The following DPF3 variants were observed in gnomAD, a reference collection of about 807,000 sequenced individuals.
DPF3 encodes double PHD fingers 3.
A neutral mutation model predicts 56.8 loss-of-function variants in DPF3; 18 were observed. The ratio of observed to expected loss-of-function variants is 0.32; its 90% CI spans 0.22 to 0.47. DPF3 has a LOEUF of 0.47. Ranked by LOEUF, DPF3 falls within the 20% of genes least tolerant of loss-of-function variation. The probability of loss-of-function intolerance (pLI) is 1.00; values close to 1 mark genes in which losing one functional copy is unlikely to be tolerated. For missense variants in DPF3, 403 were observed against 488.8 expected, an observed-to-expected ratio of 0.82 and a Z score of 1.65; for synonymous variants, 188 against 180.2, an observed-to-expected ratio of 1.04 and a Z score of -0.35.
chr14:72,884,813 T>C (rs1266678451), intron 1 of DPF3, among the ~76,000 whole-genome samples: 2 of 150,548 alleles, frequency 1.3e-5, no homozygotes, highest in South Asian at 2.1e-4. Flanking sequence ...AAGGGGGATA[T>C]AGGCTGGGCA....
intron 1 of DPF3, among the ~76,000 whole-genome samples, chr14:72,815,615 T>C (rs1361305626): frequency 3.3e-5 from 5 of 152,250 alleles, no homozygotes; most frequent in Non-Finnish European, 7.3e-5. Flanking sequence ...CAAGTTGCCA[T>C]GCAGCCACAC....
At chr14:72,667,785 T>C (rs1886501657) in intron 8 of DPF3, among the ~76,000 whole-genome samples, 1 of 152,246 alleles carries the variant, frequency 6.6e-6, no homozygotes, top group Non-Finnish European at 1.5e-5. Context: ...TTAAAAGCTA[T>C]ATTCATTACA....
intron 1 of DPF3, among the ~76,000 whole-genome samples, chr14:72,875,154 C>G (rs1320466686): frequency 6.6e-6 from 1 of 152,172 alleles, no homozygotes; most frequent in Non-Finnish European, 1.5e-5. Context: ...CAATTACCTC[C>G]CCATGGGTCT....
chr14:72,881,220 A>G (rs986333761), intron 1 of DPF3, among the ~76,000 whole-genome samples: 1 of 152,170 alleles, frequency 6.6e-6, no homozygotes, highest in Non-Finnish European at 1.5e-5. Context: ...GTTTTTAACC[A>G]ACTCTCCAAG....
intron 8 of DPF3, among the ~76,000 whole-genome samples, chr14:72,637,634 G>A (rs897941675): frequency 6.6e-6 from 1 of 152,092 alleles, no homozygotes; most frequent in Admixed American, 6.5e-5. Context: ...TCTAGCATTA[G>A]TTTTTCAATA....
intron 6 of DPF3, among the ~76,000 whole-genome samples, chr14:72,698,862 G>C (rs902963609): frequency 1.1e-4 from 5 of 45,772 alleles, no homozygotes; most frequent in African/African-American, 5.0e-4. Context: ...AAGCATGGCA[G>C]GTCCTGTGTA....
At chr14:72,668,680 TA>T (rs60914269) in intron 8 of DPF3, among the ~76,000 whole-genome samples, 14,505 of 146,830 alleles carry the variant, frequency 0.099, 1,805 homozygotes, top group African/African-American at 0.28. Flanking sequence ...ATATGTGGAT[TA>T]AAAAAAAAAA....
At chr14:72,708,076 C>A (rs1359855856) in intron 6 of DPF3, among the ~76,000 whole-genome samples, 1 of 152,076 alleles carries the variant, frequency 6.6e-6, no homozygotes, top group African/African-American at 2.4e-5. Flanking sequence ...TAGTGGAGAG[C>A]AAGGTTGTGA....
At position 72,726,565 on chromosome 14, in the gene DPF3, C is replaced by A. The variant is rs185550635; in HGVS notation, c.430-2837G>T. On this transcript the variant is annotated intron_variant, in intron 4 of 10. Transcript: ENST00000556509. ...CAGTGTGTCTGCATTTCCTGCGATG[C>A]GGCCCTGACACCAGAAGCCTCTCGA... 2.0e-3 allele frequency among the ~76,000 whole-genome samples: 304 copies of A among 152,290 alleles called. 1 individual carries two copies. Among genetic ancestry groups the A allele is most frequent in the Non-Finnish European group, 3.8e-3 (256 of 68,026 alleles).
intron 10 of DPF3, 144 bp from the exon 11 acceptor site, chr14:72,619,511 G>T: frequency 2.2e-6 from 2 of 901,392 alleles, no homozygotes; most frequent in Non-Finnish European, 3.3e-6. Context: ...ACGTGCCAGA[G>T]TCTGTGGCTC....
At chr14:72,713,530 C>T (rs980655288) in intron 6 of DPF3, among the ~76,000 whole-genome samples, 7 of 152,214 alleles carry the variant, frequency 4.6e-5, no homozygotes, top group Non-Finnish European at 1.0e-4. Flanking sequence ...TGTTTCACTG[C>T]CATCCTCGCT....
At chr14:72,883,484 C>T (rs1015285006) in intron 1 of DPF3, among the ~76,000 whole-genome samples, 1 of 151,902 alleles carries the variant, frequency 6.6e-6, no homozygotes, top group Admixed American at 6.6e-5. Flanking sequence ...GAGTGAGACC[C>T]TATCTCCAAA....
chr14:72,813,573 G>A (rs1045997163), intron 1 of DPF3, among the ~76,000 whole-genome samples: 5 of 152,080 alleles, frequency 3.3e-5, no homozygotes, highest in Non-Finnish European at 5.9e-5. Context: ...CATTCCTTTT[G>A]GGTCTGTGTG....
chr14:72,848,962 G>A (rs1432606278), intron 1 of DPF3, among the ~76,000 whole-genome samples: 2 of 152,056 alleles, frequency 1.3e-5, no homozygotes, highest in African/African-American at 2.4e-5. Context: ...CATACATTAT[G>A]GCATTCATTT....
At chr14:72,699,225 T>C (rs748904324) in intron 6 of DPF3, among the ~76,000 whole-genome samples, 23 of 151,942 alleles carry the variant, frequency 1.5e-4, no homozygotes, top group Non-Finnish European at 3.2e-4. Flanking sequence ...TTTTTAAAAA[T>C]TTGTTTAGAA....
At chr14:72,886,935 C>T (rs1277341623) in intron 1 of DPF3, among the ~76,000 whole-genome samples, 1 of 152,116 alleles carries the variant, frequency 6.6e-6, no homozygotes, top group Non-Finnish European at 1.5e-5. Context: ...CACAGGTATG[C>T]TAGAGGAAGC....
In DPF3 at chr14:72,619,477, A is replaced by G; in HGVS notation, c.1067-110T>C. The G allele has an allele frequency of 3.2e-6, 4 of 1,248,902 alleles. No individual in the cohort carries two copies. In the Admixed American group the frequency reaches 6.5e-5, roughly 20 times the overall value. The allele number at this position is 1,248,902 out of a possible 1,614,324, so 77.4% of individuals were successfully genotyped here. A position where few individuals can be genotyped will look rare whatever the true frequency, so the allele number is the denominator to read the frequency against. Reference sequence around the variant, plus strand: ...TGTTTCCTTTGAACTTTGGCAATGCAGAAACCAAGTCCCAGGCCTGAAAAC... The same window carrying G: ...TGTTTCCTTTGAACTTTGGCAATGCGGAAACCAAGTCCCAGGCCTGAAAAC... On this transcript the variant is annotated intron_variant, in intron 10 of 10. Transcript: ENST00000556509.
intron 2 of DPF3, among the ~76,000 whole-genome samples, chr14:72,760,339 C>T (rs761388910): frequency 2.6e-5 from 4 of 152,066 alleles, no homozygotes; most frequent in Non-Finnish European, 5.9e-5. Flanking sequence ...GGCATGGTGG[C>T]GCATGCCTGT....
At chr14:72,707,963 A>T (rs1224758668) in intron 6 of DPF3, among the ~76,000 whole-genome samples, 2 of 152,146 alleles carry the variant, frequency 1.3e-5, no homozygotes, top group East Asian at 1.9e-4. Context: ...AAGTTATTTT[A>T]AAAAAATAAT....
Sources: allele counts gnomAD v4.1 joint callset (sites outside exome capture counted in the v4.1 genomes callset), GRCh38; gene constraint gnomAD v4.1.1; transcripts MANE v1.5; gene names NCBI Gene and HGNC (gene_info 2026-07-23, HGNC 2026-07-21).